HTRA4: variants seen among roughly 807,000 people sequenced by gnomAD.
HTRA4 encodes the protein serine protease HTRA4.
HTRA4 carries 46 observed loss-of-function variants against 49.1 expected under a neutral mutation model. The observed-to-expected ratio is 0.94, with a 90% confidence interval of 0.74 to 1.20. HTRA4 has a LOEUF of 1.20. Ranked by LOEUF, HTRA4 falls within the 50% of genes most tolerant of loss-of-function variation. HTRA4 has a pLI of 0.00. For missense variants in HTRA4, 602 were observed against 636.9 expected, an observed-to-expected ratio of 0.95 and a Z score of 0.59; for synonymous variants, 261 against 264.0, an observed-to-expected ratio of 0.99 and a Z score of 0.11.
intron 2 of HTRA4, among the ~76,000 whole-genome samples, chr8:38,975,405 G>A (rs572174625): frequency 6.6e-6 from 1 of 152,264 alleles, no homozygotes; most frequent in South Asian, 2.1e-4. Flanking sequence ...ATAAGAGCTA[G>A]TAGGCAATTT....
Position 38,982,425 on chromosome 8 carries a change from G to T in HTRA4, c.1115-73G>T, listed in dbSNP as rs1835434482. Reference sequence around the variant, plus strand: ...AGCTGTGATGGCAAAGAGATCCTGGGACATGGGTGTCTTTTAAGCTGCGCT... The same window carrying T: ...AGCTGTGATGGCAAAGAGATCCTGGTACATGGGTGTCTTTTAAGCTGCGCT... On this transcript the variant is annotated intron_variant, in intron 6 of 8. Coordinates refer to ENST00000302495, the MANE Select transcript of HTRA4 (RefSeq NM_153692.4). 2.3e-6 allele frequency: 3 copies of T among 1,282,860 alleles called. No homozygotes were observed. The Admixed American group carries it at 5.2e-5, about 22-fold the overall frequency. 79.5% of individuals were successfully genotyped at this position (1,282,860 alleles called of 1,614,324 possible). A position where few individuals can be genotyped will look rare whatever the true frequency, so the allele number is the denominator to read the frequency against.
chr8:38,980,158 A>G (rs950293945), intron 5 of HTRA4, among the ~76,000 whole-genome samples: 4 of 152,164 alleles, frequency 2.6e-5, no homozygotes, highest in Non-Finnish European at 4.4e-5. Flanking sequence ...AGAGAGTGCA[A>G]TGCTGTTTGA....
In HTRA4 at chr8:38,976,845, A is replaced by T. The variant is rs111774691; in HGVS notation, c.771+106A>T. The stretch of plus-strand genomic sequence containing the variant: ...TCTCACACCACATCTTTTCTGTTGA[A>T]TATATGCTTTTCTCTGGTTTCTTTC... On this transcript the variant is annotated intron_variant, in intron 3 of 8. Coordinates refer to ENST00000302495, the MANE Select transcript of HTRA4 (RefSeq NM_153692.4). 20 of 1,072,940 alleles carry T rather than the reference A, an allele frequency of 1.9e-5. 1 individual carries two copies. The African/African-American group carries it at 3.2e-4, about 17-fold the overall frequency. 66.5% of individuals were successfully genotyped at this position (1,072,940 alleles called of 1,614,324 possible).
At chr8:38,981,601 A>G (rs1445257621) in intron 5 of HTRA4, 52 bp from the exon 6 acceptor site, 2 of 1,237,650 alleles carry the variant, frequency 1.6e-6, no homozygotes, top group African/African-American at 1.5e-5. Context: ...CTGGTCTTGC[A>G]CTCATCAGTT....
At chr8:38,974,948 T>C in intron 1 of HTRA4, 83 bp from the exon 2 acceptor site, 1 of 1,517,922 alleles carries the variant, frequency 6.6e-7, no homozygotes. Flanking sequence ...TTTTGAACAC[T>C]GTCTTGCCTT....
rs141552350 is a variant in HTRA4, at chr8:38,987,936, C to T, written c.1269C>T (p.Ser423=). ...CKVVEGTAAQ[S]SGLRDHDVIV... is the part of the protein sequence containing the mutation. ...CCTCTTTTTTTTCTCCCTCTCTCAG[C>T]TCTGGATTGAGAGATCACGATGTAA... Residue 423 remains serine (S), a splice_region_variant and synonymous_variant, in exon 9 of 9, where the codon AGC becomes AGT. Coordinates refer to ENST00000302495, the MANE Select transcript of HTRA4 (RefSeq NM_153692.4). 5.7e-6 allele frequency: 9 copies of T among 1,573,962 alleles called. No individual in the cohort carries two copies. The African/African-American group carries it at 1.2e-4, about 22-fold the overall frequency.
chr8:38,987,895 G>C (rs1835503511), intron 8 of HTRA4, 41 bp from the exon 9 acceptor site: 2 of 1,497,706 alleles, frequency 1.3e-6, no homozygotes, highest in East Asian at 4.9e-5. Context: ...TAAAATTCTT[G>C]TTATAGTTTC....
rs1564175312 is a variant in HTRA4, at chr8:38,976,677, G to T, written c.709G>T (p.Glu237Ter). The T allele has an allele frequency of 6.2e-7, 1 of 1,614,202 alleles. No homozygotes were observed. The highest frequency in any genetic ancestry group is 1.1e-5 in the South Asian group (1 of 91,086). ...GGTGCTCCAGAATGGGGCCCGTTATGAAGCTGTTGTCAAGGATATTGACCT... is the reference window on the plus strand; with the variant it reads ...GGTGCTCCAGAATGGGGCCCGTTATTAAGCTGTTGTCAAGGATATTGACCT... ...EVVLQNGARYEAVVKDIDLKL... is the reference protein window; with the variant it reads ...EVVLQNGARY Residue 237 changes from glutamate to a stop codon, truncating the protein, a stop_gained, in exon 3 of 9, where the codon GAA becomes TAA. Coordinates refer to ENST00000302495, the MANE Select transcript of HTRA4 (RefSeq NM_153692.4). LOFTEE classifies it high-confidence loss of function.
chr8:38,981,072 T>TTG (rs1835414161), intron 5 of HTRA4, among the ~76,000 whole-genome samples: 1 of 108,650 alleles, frequency 9.2e-6, no homozygotes, highest in African/African-American at 4.5e-5. Flanking sequence ...AGTTTTTTTT[T>TTG]TTTTTTTTTT....
intron 8 of HTRA4, among the ~76,000 whole-genome samples, chr8:38,984,940 A>C (rs1259980350): frequency 6.6e-6 from 1 of 152,114 alleles, no homozygotes; most frequent in African/African-American, 2.4e-5. Flanking sequence ...GCAAAAAAAA[A>C]CTACACCAAA....
At chr8:38,985,035 T>C (rs1169388744) in intron 8 of HTRA4, among the ~76,000 whole-genome samples, 1 of 152,234 alleles carries the variant, frequency 6.6e-6, no homozygotes, top group African/African-American at 2.4e-5. Context: ...AAGCAAAGGC[T>C]AGGACAGCTT....
chr8:38,983,134 T>A (rs1330580422), intron 8 of HTRA4, 86 bp downstream of exon 8: 2 of 835,864 alleles, frequency 2.4e-6, no homozygotes, highest in African/African-American at 3.4e-5. Context: ...CCAGACTTGA[T>A]CTGTCCAATA....
chr8:38,979,321 G>T (rs1835391961), intron 5 of HTRA4, 74 bp downstream of exon 5: 2 of 1,379,790 alleles, frequency 1.4e-6, no homozygotes, highest in Admixed American at 1.7e-5. Context: ...CAGGCCAGGG[G>T]TGGTGGCTCA....
chr8:38,974,854 G>C (rs920160617), intron 1 of HTRA4, 125 bp downstream of exon 1: 11 of 1,175,538 alleles, frequency 9.4e-6, no homozygotes, highest in African/African-American at 9.2e-5. Context: ...TCCTGGATTC[G>C]ACACCTCTGT....
rs139445478 is a variant in HTRA4 at position 38,976,418 on chromosome 8, A to G, written c.567-117A>G. 388 of 985,886 alleles carry G rather than the reference A, an allele frequency of 3.9e-4. 5 individuals carry two copies. In the East Asian group the frequency reaches 9.0e-3, roughly 23 times the overall value. 61.1% of individuals were successfully genotyped at this position (985,886 alleles called of 1,614,324 possible). On this transcript the variant is annotated intron_variant, in intron 2 of 8. Coordinates refer to ENST00000302495, the MANE Select transcript of HTRA4 (RefSeq NM_153692.4). ...GTCTCAAAAAAGAAAAAAGAAAAGA[A>G]AAGAAAACTATGATGGAGGTATGTT...
In HTRA4 at chr8:38,975,017, G is replaced by A; in HGVS notation, c.467-14G>A. On this transcript the variant is annotated splice_polypyrimidine_tract_variant and intron_variant, in intron 1 of 8. Coordinates refer to ENST00000302495, the MANE Select transcript of HTRA4 (RefSeq NM_153692.4). Reference sequence around the variant, plus strand: ...TCCCTCGAGGCGTACTCTTGAGCCAGTATTTTTTCATAGGGACCAGAAGCG... The same window carrying A: ...TCCCTCGAGGCGTACTCTTGAGCCAATATTTTTTCATAGGGACCAGAAGCG... 7 of 1,613,776 alleles carry A rather than the reference G, an allele frequency of 4.3e-6. No homozygotes were observed. Among genetic ancestry groups the A allele is most frequent in the Non-Finnish European group, 5.9e-6 (7 of 1,179,816 alleles).
At chr8:38,975,359 TC>T (rs891142943) in intron 2 of HTRA4, among the ~76,000 whole-genome samples, 1 of 152,276 alleles carries the variant, frequency 6.6e-6, no homozygotes, top group East Asian at 1.9e-4. Context: ...TGGTGCTTTT[TC>T]CCCCTCCTGC....
chr8:38,974,646 C>G lies in HTRA4; in HGVS notation c.383C>G (p.Ala128Gly). Residue 128 changes from alanine to glycine, a missense_variant, in exon 1 of 9, where the codon GCG becomes GGG. Ala to Gly is a moderately conservative substitution (Grantham distance 60). Coordinates refer to ENST00000302495, the MANE Select transcript of HTRA4 (RefSeq NM_153692.4). ...SDRRTYPSMC[A>G]LRAENRAARR... ...AGGCGCACCTACCCCAGCATGTGCG[C>G]GCTCCGGGCCGAAAACCGCGCCGCG... is the stretch of plus-strand genomic sequence containing the variant. 2 of 1,404,738 alleles carry G rather than the reference C, an allele frequency of 1.4e-6. No individual in the cohort carries two copies. The highest frequency in any genetic ancestry group is 1.8e-6 in the Non-Finnish European group (2 of 1,088,730). 87.0% of individuals were successfully genotyped at this position (1,404,738 alleles called of 1,614,324 possible).
chr8:38,976,756 TGAGTCA>T lies in HTRA4; in HGVS notation c.771+23_771+28del, dbSNP rs749011237. On this transcript the variant is annotated intron_variant, in intron 3 of 8. Transcript: ENST00000302495. The stretch of plus-strand genomic sequence containing the variant: ...GAATCAAATGTGAGTATTTCAGGGC[TGAGTCA>T]GAGTCTACATATTTGGGGATTTTTA... The T allele has an allele frequency of 4.3e-6, 7 of 1,613,048 alleles. No individual in the cohort carries two copies.
Sources: gnomAD v4.1 joint callset for allele counts (sites outside exome capture counted in the v4.1 genomes callset) on GRCh38, gnomAD v4.1.1 for gene constraint, MANE v1.5 for transcripts, NCBI Gene and HGNC (gene_info 2026-07-23, HGNC 2026-07-21) for gene names.